Variants in HYDIN observed in about 807,000 individuals in gnomAD.
HYDIN encodes the protein HYDIN axonemal central pair apparatus protein.
A neutral mutation model predicts 403.9 loss-of-function variants in HYDIN; 132 were observed. That is an observed-to-expected ratio of 0.33 (90% CI 0.28 to 0.38). The LOEUF (loss-of-function observed/expected upper bound fraction) is 0.38, where lower values mean the gene tolerates loss of function less well. HYDIN is among the 10% of genes least tolerant of loss of function. HYDIN has a pLI of 1.00. For missense variants in HYDIN, 2,827 were observed against 5,009.5 expected (o/e 0.56, Z 13.15); for synonymous variants, 1,202 against 1,891.7 (o/e 0.64, Z 9.46).
chr16:71,177,116 A>C (rs138558694), intron 4 of HYDIN, among the ~76,000 whole-genome samples: 28 of 152,138 alleles, frequency 1.8e-4, no homozygotes, highest in Middle Eastern at 3.4e-3. Context: ...TGTGGCCAGC[A>C]CTCTGGCTGC....
chr16:71,175,075 TCAC>T (rs2086614392), intron 5 of HYDIN, among the ~76,000 whole-genome samples: 3 of 146,054 alleles, frequency 2.1e-5, no homozygotes, highest in Admixed American at 2.0e-4. Flanking sequence ...TACACCACCA[TCAC>T]CACCACCATC....
At chr16:71,016,890 G>C (rs2080277108) in intron 23 of HYDIN, among the ~76,000 whole-genome samples, 1 of 151,996 alleles carries the variant, frequency 6.6e-6, no homozygotes, top group Non-Finnish European at 1.5e-5. Context: ...GCATGACGTG[G>C]TTTGGCTCTC....
intron 23 of HYDIN, among the ~76,000 whole-genome samples, chr16:71,010,677 C>T (rs1051631421): frequency 2.6e-5 from 4 of 152,222 alleles, no homozygotes; most frequent in African/African-American, 4.8e-5. Flanking sequence ...AAGTCTGACT[C>T]GGACACCAGC....
At chr16:70,862,988 A>G (rs1271280952) in intron 68 of HYDIN, 97 bp downstream of exon 68, 8 of 730,990 alleles carry the variant, frequency 1.1e-5, no homozygotes, top group Non-Finnish European at 1.8e-5. Context: ...TTAGCTACTT[A>G]GGAGACCCTC....
chr16:70,879,473 T>C lies in HYDIN; in HGVS notation c.10381A>G (p.Ser3461Gly). 1 of 1,613,824 alleles carries C rather than the reference T, an allele frequency of 6.2e-7. No homozygotes were observed. Among genetic ancestry groups the C allele is most frequent in the Non-Finnish European group, 8.5e-7 (1 of 1,179,862 alleles). ...LDGLPSTLAK[S>G]RGLVFDIAGE... is the part of the protein sequence containing the mutation. ...GCGATGTCAAACACGAGGCCTCGGC[T>C]CTTGGCCAGGGTGCTGTAGGGGACA... Residue 3461 changes from serine (S) to glycine (G), a missense_variant, in exon 62 of 86, where the codon AGC (serine) becomes GGC (glycine). Coordinates refer to ENST00000393567, the MANE Select transcript of HYDIN (RefSeq NM_001270974.2).
Position 70,882,715 on chromosome 16 carries a change from T to C in HYDIN, c.10160A>G (p.Asn3387Ser). The change falls in exon 60 of 86, where the codon AAC (asparagine) becomes AGC (serine). Residue 3387 changes from asparagine to serine, a missense_variant. Coordinates refer to ENST00000393567, the MANE Select transcript of HYDIN (RefSeq NM_001270974.2). ...RQAKARFKIS[N>S]VGKITCDVNI... The stretch of plus-strand genomic sequence containing the variant: ...GACATCACAGGTGATCTTTCCCACG[T>C]TGCTGATCTTGAAACGAGCCTTGGC... 1.4e-6 allele frequency: 2 copies of C among 1,470,500 alleles called. No individual in the cohort carries two copies. Among genetic ancestry groups the C allele is most frequent in the South Asian group, 2.3e-5 (2 of 87,700 alleles). 91.1% of individuals were successfully genotyped at this position (1,470,500 alleles called of 1,614,324 possible).
intron 1 of HYDIN, among the ~76,000 whole-genome samples, chr16:71,215,642 AG>A (rs2088838553): frequency 6.6e-6 from 1 of 152,116 alleles, no homozygotes; most frequent in Non-Finnish European, 1.5e-5. Flanking sequence ...CCAAGGCAAG[AG>A]GATCACTTGA....
chr16:71,106,631 C>T, intron 10 of HYDIN, among the ~76,000 whole-genome samples: 1 of 152,140 alleles, frequency 6.6e-6, no homozygotes, highest in Non-Finnish European at 1.5e-5. Flanking sequence ...AGAGGCCTCC[C>T]TTATGACCAG....
intron 37 of HYDIN, 22 bp downstream of exon 37, chr16:70,964,706 G>C (rs1567916416): frequency 3.1e-6 from 5 of 1,612,204 alleles, no homozygotes; most frequent in Non-Finnish European, 4.2e-6. Context: ...AGCATGAGGT[G>C]TTCTCCACAT....
At chr16:71,201,082 G>T (rs1283089775) in intron 1 of HYDIN, among the ~76,000 whole-genome samples, 1 of 152,100 alleles carries the variant, frequency 6.6e-6, no homozygotes, top group Non-Finnish European at 1.5e-5. Context: ...TTCTCTGAAG[G>T]CTTCCTAGAC....
intron 18 of HYDIN, among the ~76,000 whole-genome samples, chr16:71,034,494 A>G (rs1000691328): frequency 6.6e-6 from 1 of 151,898 alleles, no homozygotes; most frequent in Non-Finnish European, 1.5e-5. Context: ...GATTAAAAAA[A>G]TAGATTCAGT....
rs1192174449 is a variant in HYDIN, at chr16:70,941,407, T to G, written c.6853+229A>C. The G allele has an allele frequency of 1.2e-5, 4 of 340,748 alleles. No individual in the cohort carries two copies. In the Admixed American group the frequency reaches 1.9e-4, roughly 16 times the overall value. 21.1% of individuals were successfully genotyped at this position (340,748 alleles called of 1,614,324 possible). On this transcript the variant is annotated intron_variant, in intron 43 of 85. Coordinates refer to ENST00000393567, the MANE Select transcript of HYDIN (RefSeq NM_001270974.2). Reference sequence around the variant, plus strand: ...AGGATGGGACCCGTAATGGCTGTAATTGCAGAAAGGATGGAGGGGTACAGT... The same window carrying G: ...AGGATGGGACCCGTAATGGCTGTAAGTGCAGAAAGGATGGAGGGGTACAGT...
chr16:71,044,874 C>T (rs2081402588), intron 18 of HYDIN, among the ~76,000 whole-genome samples: 1 of 150,388 alleles, frequency 6.6e-6, no homozygotes, highest in African/African-American at 2.4e-5. Flanking sequence ...TACTTTGAGG[C>T]CTAGAATAAA....
At chr16:71,202,415 A>T (rs560233566) in intron 1 of HYDIN, among the ~76,000 whole-genome samples, 23 of 152,332 alleles carry the variant, frequency 1.5e-4, no homozygotes, top group African/African-American at 5.5e-4. Flanking sequence ...TTTGGATGCA[A>T]CCATCAAATC....
At chr16:71,097,807 A>G (rs899324680) in intron 10 of HYDIN, among the ~76,000 whole-genome samples, 2 of 151,146 alleles carry the variant, frequency 1.3e-5, no homozygotes, top group Non-Finnish European at 2.9e-5. Flanking sequence ...CGTTCAAAAT[A>G]CTTTTGATGC....
chr16:70,992,762 C>T (rs1236407608), intron 23 of HYDIN, among the ~76,000 whole-genome samples: 3 of 152,122 alleles, frequency 2.0e-5, no homozygotes, highest in Non-Finnish European at 4.4e-5. Flanking sequence ...AGTCCTGGTC[C>T]CACCAATGAG....
At chr16:70,871,919 C>A (rs2040131106) in intron 65 of HYDIN, 118 bp downstream of exon 65, 1 of 587,246 alleles carries the variant, frequency 1.7e-6, no homozygotes, top group African/African-American at 2.0e-5. Context: ...CCTGGGCTGT[C>A]TCTCAGCTTG....
At chr16:70,957,326 C>T (rs1269593048) in intron 39 of HYDIN, among the ~76,000 whole-genome samples, 5 of 120,960 alleles carry the variant, frequency 4.1e-5, no homozygotes, top group Non-Finnish European at 6.2e-5. Context: ...AATTTCCTTC[C>T]TATTTTTTTT....
chr16:70,933,062 T>C (rs1241253164), intron 45 of HYDIN, among the ~76,000 whole-genome samples: 8 of 151,650 alleles, frequency 5.3e-5, no homozygotes, highest in Non-Finnish European at 8.8e-5. Flanking sequence ...TTCTGCAAAC[T>C]GTGTCCTCTT....
Sources: allele counts gnomAD v4.1 joint callset (sites outside exome capture counted in the v4.1 genomes callset), GRCh38; gene constraint gnomAD v4.1.1; transcripts MANE v1.5; gene names NCBI Gene and HGNC (gene_info 2026-07-23, HGNC 2026-07-21).